The following PCDH15 variants were observed in gnomAD, a reference collection of about 807,000 sequenced individuals.
The protein encoded by PCDH15 is protocadherin related 15.
In PCDH15, 129 loss-of-function variants were observed where a neutral mutation model predicts 178.5. The observed-to-expected ratio is 0.72, with a 90% confidence interval of 0.63 to 0.84. The LOEUF (loss-of-function observed/expected upper bound fraction) is 0.84. Among genes scored for constraint, PCDH15 ranks in the 40% least tolerant of loss-of-function variants. The pLI is 0.00. For missense variants in PCDH15, 2,230 were observed against 2,099.9 expected, an observed-to-expected ratio of 1.06 and a Z score of -1.21; for synonymous variants, 800 against 732.0, an observed-to-expected ratio of 1.09 and a Z score of -1.50.
chr10:54,818,714 GTGTTTTTGT>G (rs1952988105), intron 3 of PCDH15, among the ~76,000 whole-genome samples: 1 of 151,888 alleles, frequency 6.6e-6, no homozygotes, highest in South Asian at 2.1e-4. Flanking sequence ...CCCTCCCCGA[GTGTTTTTGT>G]TCCATCTACT....
intron 18 of PCDH15, among the ~76,000 whole-genome samples, chr10:54,051,128 C>A (rs1161327672): frequency 1.3e-5 from 2 of 152,052 alleles, no homozygotes; most frequent in African/African-American, 4.8e-5. Flanking sequence ...ATCCCCGTCT[C>A]GAGTATGTCT....
chr10:54,686,595 T>C (rs1407450296), intron 1 of PCDH15, among the ~76,000 whole-genome samples: 1 of 152,160 alleles, frequency 6.6e-6, no homozygotes, highest in Non-Finnish European at 1.5e-5. Flanking sequence ...GTGTATGGTG[T>C]AAAATTGTGT....
chr10:54,242,913 A>G (rs915013716), intron 8 of PCDH15, among the ~76,000 whole-genome samples: 1 of 152,188 alleles, frequency 6.6e-6, no homozygotes, highest in African/African-American at 2.4e-5. Context: ...TGTATTATAT[A>G]ATATTCCACT....
chr10:54,098,221 T>C (rs898256098), intron 15 of PCDH15, among the ~76,000 whole-genome samples: 1 of 145,694 alleles, frequency 6.9e-6, no homozygotes. Flanking sequence ...TGTGTGTGTG[T>C]GTGTGTGTGT....
chr10:54,449,578 C>A (rs1320429996), intron 3 of PCDH15, among the ~76,000 whole-genome samples: 2 of 151,712 alleles, frequency 1.3e-5, no homozygotes, highest in African/African-American at 4.8e-5. Flanking sequence ...TGCCTAAAAA[C>A]TGGGTGGCAA....
At chr10:55,460,946 T>G (rs902932754) in intron 2 of PCDH15, among the ~76,000 whole-genome samples, 8 of 152,070 alleles carry the variant, frequency 5.3e-5, no homozygotes, top group Non-Finnish European at 7.4e-5. Flanking sequence ...CATCAATAAG[T>G]CCCCACTGCT....
chr10:54,793,093 C>A (rs539047470), intron 1 of PCDH15, among the ~76,000 whole-genome samples: 8 of 151,856 alleles, frequency 5.3e-5, no homozygotes, highest in Non-Finnish European at 1.2e-4. Context: ...CTCCATGTCA[C>A]CACCAGCACC....
chr10:55,265,806 A>G (rs1842275720), intron 1 of PCDH15, among the ~76,000 whole-genome samples: 1 of 152,166 alleles, frequency 6.6e-6, no homozygotes, highest in Non-Finnish European at 1.5e-5. Flanking sequence ...TAAAGGATAC[A>G]TGCATTACTC....
rs375980011 is a variant in PCDH15 at position 54,060,721 on chromosome 10, C to T, written c.2220+6036G>A. Among the ~76,000 whole-genome samples, 140 of 152,174 alleles carry T rather than the reference C, an allele frequency of 9.2e-4. 5 individuals are homozygous for T. The South Asian group carries it at 0.029, about 31-fold the overall frequency. On this transcript the variant is annotated intron_variant, in intron 18 of 37. Transcript: ENST00000644397. ...TCCATGGCCCATATTTTAAGCTGTT[C>T]ATTAAGTTCTCCATCTTGTTGGGAT... is the stretch of plus-strand genomic sequence containing the variant.
chr10:54,378,931 C>G lies in PCDH15; in HGVS notation c.169G>C (p.Val57Leu). ...GTCCCTTTGATCAGCATGTTGTCCA[C>G]CAGAATTGTACCTGCAAACCAAAGA... is the stretch of plus-strand genomic sequence containing the variant. ...DEESRNGTIL[V>L]DNMLIKGTAG... The change falls in exon 4 of 38, where the codon GTG (valine) becomes CTG (leucine). Residue 57 changes from valine (V) to leucine (L), a missense_variant. Coordinates refer to ENST00000644397, the MANE Select transcript of PCDH15 (RefSeq NM_001384140.1). The G allele has an allele frequency of 1.2e-6, 2 of 1,613,688 alleles. No individual in the cohort carries two copies. Among genetic ancestry groups the G allele is most frequent in the East Asian group, 2.2e-5 (1 of 44,842 alleles).
intron 8 of PCDH15, among the ~76,000 whole-genome samples, chr10:54,313,322 T>C (rs908513345): frequency 6.6e-5 from 10 of 152,108 alleles, no homozygotes; most frequent in Non-Finnish European, 2.9e-5. Context: ...AATATTGGAC[T>C]GGGTTTGTCA....
At chr10:54,529,196 G>C (rs2083667336) in intron 2 of PCDH15, among the ~76,000 whole-genome samples, 1 of 137,450 alleles carries the variant, frequency 7.3e-6, no homozygotes, top group South Asian at 2.3e-4. Flanking sequence ...AAGAAGCTGG[G>C]AGATCTACAC....
chr10:55,370,459 T>C lies in PCDH15; in HGVS notation c.-155-203808A>G, dbSNP rs527592574. Among the ~76,000 whole-genome samples the C allele has an allele frequency of 2.9e-3, 437 of 152,192 alleles. 3 individuals carry two copies. Among genetic ancestry groups the C allele is most frequent in the Non-Finnish European group, 5.1e-3 (350 of 67,974 alleles). On this transcript the variant is annotated intron_variant, in intron 2 of 5. Coordinates refer to the PCDH15 transcript ENST00000613346. ...TTTGACAGCCAAATTGAAATATGCC[T>C]TTTTCTGAATTTATAAGAACAAAAA...
intron 3 of PCDH15, among the ~76,000 whole-genome samples, chr10:54,811,283 G>T (rs927811621): frequency 1.3e-5 from 2 of 151,850 alleles, no homozygotes; most frequent in Admixed American, 6.6e-5. Flanking sequence ...ATTTATGGAG[G>T]ATAAAAAACA....
intron 2 of PCDH15, among the ~76,000 whole-genome samples, chr10:55,386,797 A>G (rs1449576041): frequency 6.6e-6 from 1 of 152,122 alleles, no homozygotes; most frequent in African/African-American, 2.4e-5. Flanking sequence ...AATATTTGAC[A>G]ATGCAAACAT....
At chr10:55,476,126 G>C (rs1367386917) in intron 2 of PCDH15, among the ~76,000 whole-genome samples, 1 of 152,008 alleles carries the variant, frequency 6.6e-6, no homozygotes, top group Non-Finnish European at 1.5e-5. Flanking sequence ...AACAGTAGAG[G>C]CTCAATAAGT....
chr10:53,816,321 C>A, intron 34 of PCDH15, 44 bp from the exon 35 acceptor site: 1 of 398,338 alleles, frequency 2.5e-6, no homozygotes, highest in South Asian at 1.3e-4. Context: ...GAAAATAATT[C>A]AGATGGGAAA....
chr10:54,315,169 C>T (rs2061164216), intron 8 of PCDH15, among the ~76,000 whole-genome samples: 1 of 152,116 alleles, frequency 6.6e-6, no homozygotes, highest in South Asian at 2.1e-4. Context: ...TATAAGTGTT[C>T]CCTTTTCTCT....
At chr10:53,907,999 A>G (rs1398805136) in intron 25 of PCDH15, among the ~76,000 whole-genome samples, 2 of 152,168 alleles carry the variant, frequency 1.3e-5, no homozygotes, top group Non-Finnish European at 2.9e-5. Flanking sequence ...CTCAAGATGA[A>G]TCCATTTCAT....
Sources: gnomAD v4.1 joint callset for allele counts (sites outside exome capture counted in the v4.1 genomes callset) on GRCh38, gnomAD v4.1.1 for gene constraint, MANE v1.5 for transcripts, NCBI Gene and HGNC (gene_info 2026-07-23, HGNC 2026-07-21) for gene names.